The following CPQ variants were observed in gnomAD, a reference collection of about 807,000 sequenced individuals.
CPQ encodes the protein Ser-Met dipeptidase.
Under a neutral mutation model 45.7 loss-of-function variants are expected in CPQ, and 37 were observed. That is an observed-to-expected ratio of 0.81 (90% CI 0.62 to 1.07). The LOEUF (loss-of-function observed/expected upper bound fraction) is 1.07. Ranked by LOEUF, CPQ falls within the 50% of genes least tolerant of loss-of-function variation. The pLI is 0.00. For synonymous variants in CPQ, 186 were observed against 205.8 expected (o/e 0.90, Z 0.82); for missense variants, 537 against 572.9 (o/e 0.94, Z 0.64).
chr8:96,842,370 A>C (rs930903541), intron 3 of CPQ, among the ~76,000 whole-genome samples: 2 of 152,194 alleles, frequency 1.3e-5, no homozygotes, highest in Non-Finnish European at 2.9e-5. Context: ...CTGGTGAAAA[A>C]TAAGGAAAAT....
At chr8:96,779,843 C>T (rs1810664760) in intron 1 of CPQ, among the ~76,000 whole-genome samples, 1 of 151,974 alleles carries the variant, frequency 6.6e-6, no homozygotes, top group Non-Finnish European at 1.5e-5. Flanking sequence ...CAAAATTTAG[C>T]TTTTAAAAAC....
At chr8:97,010,219 T>C (rs993240061) in intron 5 of CPQ, among the ~76,000 whole-genome samples, 3 of 152,286 alleles carry the variant, frequency 2.0e-5, no homozygotes, top group African/African-American at 7.2e-5. Flanking sequence ...GCCATTAGTA[T>C]TTGTCCTAGG....
chr8:97,006,544 A>T (rs556452557), intron 5 of CPQ, among the ~76,000 whole-genome samples: 1 of 152,224 alleles, frequency 6.6e-6, no homozygotes, highest in Admixed American at 6.5e-5. Flanking sequence ...GAAAAATTCC[A>T]GCTTTGATTT....
intron 1 of CPQ, among the ~76,000 whole-genome samples, chr8:96,693,969 G>A (rs1247356161): frequency 6.6e-6 from 1 of 152,094 alleles, no homozygotes. Context: ...TAAGAAGCAG[G>A]GAGACGAAGT....
chr8:96,792,930 G>A (rs753150531), intron 2 of CPQ, among the ~76,000 whole-genome samples: 2 of 152,098 alleles, frequency 1.3e-5, no homozygotes, highest in East Asian at 3.9e-4. Context: ...TTCACAGGGC[G>A]GAAGGAGAGA....
chr8:96,733,488 C>G (rs913171561), intron 1 of CPQ, among the ~76,000 whole-genome samples: 4 of 152,114 alleles, frequency 2.6e-5, no homozygotes, highest in Non-Finnish European at 5.9e-5. Flanking sequence ...ATGAACTTTT[C>G]CAATCTATCG....
chr8:97,067,066 A>G (rs1383292843), intron 7 of CPQ, among the ~76,000 whole-genome samples: 1 of 151,576 alleles, frequency 6.6e-6, no homozygotes, highest in Non-Finnish European at 1.5e-5. Context: ...AGCTGGGATT[A>G]TGAGTGTGCA....
At position 96,749,831 on chromosome 8, in the gene CPQ, C is replaced by CT. The variant is rs754892994; in HGVS notation, c.-34-35026dup. The stretch of plus-strand genomic sequence containing the variant: ...ATTAAAAATGTTAAAGGTGTTTATA[C>CT]TTTTTTTCCCACCAATTCTACTTCT... On this transcript the variant is annotated intron_variant, in intron 1 of 7. Transcript: ENST00000220763. 1.1e-3 allele frequency among the ~76,000 whole-genome samples: 161 copies of CT among 152,188 alleles called. 1 individual carries two copies. The highest frequency in any genetic ancestry group is 1.8e-3 in the Non-Finnish European group (123 of 67,988).
chr8:97,109,383 T>C (rs1811463060), intron 7 of CPQ, among the ~76,000 whole-genome samples: 1 of 152,152 alleles, frequency 6.6e-6, no homozygotes, highest in East Asian at 1.9e-4. Flanking sequence ...GAGACCACAG[T>C]TCTACCTTTC....
intron 2 of CPQ, among the ~76,000 whole-genome samples, chr8:96,818,591 A>G (rs1199318637): frequency 6.6e-6 from 1 of 152,096 alleles, no homozygotes; most frequent in Non-Finnish European, 1.5e-5. Flanking sequence ...ATATTTGGGG[A>G]CCTGACTACC....
At chr8:96,950,282 G>T (rs1312868214) in intron 4 of CPQ, among the ~76,000 whole-genome samples, 1 of 152,108 alleles carries the variant, frequency 6.6e-6, no homozygotes, top group Non-Finnish European at 1.5e-5. Context: ...TTTTAATTAT[G>T]CATTGATCAC....
intron 1 of CPQ, among the ~76,000 whole-genome samples, chr8:96,695,052 A>T (rs112293629): frequency 0.023 from 3,494 of 151,216 alleles, 130 homozygotes; most frequent in African/African-American, 0.08. Context: ...CTACAAGGCT[A>T]CAGTAACCAA....
chr8:97,094,520 C>T (rs964687765), intron 7 of CPQ, among the ~76,000 whole-genome samples: 1 of 152,090 alleles, frequency 6.6e-6, no homozygotes, highest in African/African-American at 2.4e-5. Context: ...ATTCTCCTAT[C>T]CCCATGTCCT....
At chr8:96,684,261 T>G (rs1196101562) in intron 1 of CPQ, among the ~76,000 whole-genome samples, 1 of 152,212 alleles carries the variant, frequency 6.6e-6, no homozygotes, top group Non-Finnish European at 1.5e-5. Context: ...TGATTCTGGT[T>G]GGGCACGGTA....
intron 4 of CPQ, among the ~76,000 whole-genome samples, chr8:96,903,224 G>T (rs930360763): frequency 6.6e-6 from 1 of 152,144 alleles, no homozygotes; most frequent in African/African-American, 2.4e-5. Flanking sequence ...TGTACCCTGG[G>T]TTTACCCCTT....
intron 1 of CPQ, among the ~76,000 whole-genome samples, chr8:96,675,591 T>C (rs1186056330): frequency 6.6e-6 from 1 of 152,086 alleles, no homozygotes; most frequent in African/African-American, 2.4e-5. Context: ...AGAAGAGGAA[T>C]ATTTATGTTA....
chr8:96,803,914 A>G (rs930230989), intron 2 of CPQ, among the ~76,000 whole-genome samples: 3 of 152,188 alleles, frequency 2.0e-5, no homozygotes, highest in Admixed American at 6.6e-5. Context: ...TGGTTGTTGC[A>G]TTGGCATCCA....
intron 7 of CPQ, among the ~76,000 whole-genome samples, chr8:97,102,430 T>C (rs1337883828): frequency 2.0e-5 from 3 of 152,160 alleles, no homozygotes; most frequent in African/African-American, 7.2e-5. Flanking sequence ...TGATTGTATA[T>C]GTTGCTGTTT....
chr8:96,935,319 G>A (rs1813030976), intron 4 of CPQ, among the ~76,000 whole-genome samples: 2 of 152,154 alleles, frequency 1.3e-5, no homozygotes, highest in Admixed American at 1.3e-4. Context: ...TCTGGCATAG[G>A]TCCTAGATAG....
Sources: gnomAD v4.1 joint callset for allele counts (sites outside exome capture counted in the v4.1 genomes callset) on GRCh38, gnomAD v4.1.1 for gene constraint, MANE v1.5 for transcripts, NCBI Gene and HGNC (gene_info 2026-07-23, HGNC 2026-07-21) for gene names.